PALM2AKAP2: variants seen among roughly 807,000 people sequenced by gnomAD.
PALM2AKAP2 encodes the protein PALM2 and AKAP2 fusion.
In PALM2AKAP2, 37 loss-of-function variants were observed where a neutral mutation model predicts 71.5. The ratio of observed to expected loss-of-function variants is 0.52; its 90% CI spans 0.40 to 0.68. The LOEUF is 0.68. Among genes scored for constraint, PALM2AKAP2 ranks in the 30% least tolerant of loss-of-function variants. The probability of loss-of-function intolerance (pLI) is 0.00; values close to 1 mark genes in which losing one functional copy is unlikely to be tolerated. For synonymous variants in PALM2AKAP2, 468 were observed against 478.8 expected (o/e 0.98, Z 0.29); for missense variants, 1,224 against 1,191.8 (o/e 1.03, Z -0.40).
chr9:109,922,421 CAAAAAAAAAAAAAAAAAAAAAA>C (rs398011831), intron 3 of PALM2AKAP2, among the ~76,000 whole-genome samples: 1 of 19,224 alleles, frequency 5.2e-5, no homozygotes, highest in Non-Finnish European at 8.9e-5. Flanking sequence ...GACTCTATCT[CAAAAAAAAAAAAAAAAAAAAAA>C]AAAAAAAAAA....
At chr9:109,918,270 A>G (rs1830740986) in intron 3 of PALM2AKAP2, among the ~76,000 whole-genome samples, 1 of 152,172 alleles carries the variant, frequency 6.6e-6, no homozygotes, top group Admixed American at 6.5e-5. Context: ...AGCATGATCG[A>G]TGCACTTCCC....
intron 6 of PALM2AKAP2, among the ~76,000 whole-genome samples, chr9:110,005,748 G>C (rs753723185): frequency 6.6e-6 from 1 of 152,194 alleles, no homozygotes; most frequent in Non-Finnish European, 1.5e-5. Context: ...CCCCAGCCTC[G>C]CTGCCGCCTT....
intron 3 of PALM2AKAP2, 120 bp downstream of exon 10, chr9:110,162,252 A>G: frequency 2.0e-6 from 3 of 1,469,636 alleles, no homozygotes; most frequent in South Asian, 1.2e-5. Context: ...TTGTCTCCAT[A>G]TGTATTTTTT....
intron 3 of PALM2AKAP2, among the ~76,000 whole-genome samples, chr9:109,889,996 A>C (rs1830049463): frequency 6.6e-6 from 1 of 152,208 alleles, no homozygotes; most frequent in Non-Finnish European, 1.5e-5. Context: ...TTTTCTCTCT[A>C]CAAAAAGCTT....
At chr9:109,881,347 A>G (rs1460951817) in intron 3 of PALM2AKAP2, among the ~76,000 whole-genome samples, 1 of 152,078 alleles carries the variant, frequency 6.6e-6, no homozygotes, top group South Asian at 2.1e-4. Context: ...TTGAGTTCTT[A>G]TATTAGCTTT....
intron 1 of PALM2AKAP2, among the ~76,000 whole-genome samples, chr9:109,657,448 G>A (rs957622454): frequency 1.5e-5 from 2 of 129,634 alleles, no homozygotes; most frequent in Admixed American, 7.9e-5. Context: ...AAGCAATATG[G>A]TATTTGTGTG....
At chr9:109,731,928 C>T (rs1828561868) in intron 1 of PALM2AKAP2, among the ~76,000 whole-genome samples, 1 of 152,094 alleles carries the variant, frequency 6.6e-6, no homozygotes, top group Non-Finnish European at 1.5e-5. Context: ...GATTCTGCTC[C>T]AGCCACAGAG....
intron 1 of PALM2AKAP2, among the ~76,000 whole-genome samples, chr9:109,747,677 C>CT (rs200934926): frequency 5.2e-4 from 78 of 148,720 alleles, no homozygotes; most frequent in East Asian, 2.4e-3. Context: ...TAATTTTTTT[C>CT]TTTTTTTTTT....
chr9:110,146,330 A>G (rs1219922663), intron 2 of PALM2AKAP2, among the ~76,000 whole-genome samples: 1 of 152,200 alleles, frequency 6.6e-6, no homozygotes, highest in East Asian at 1.9e-4. Context: ...ATTCCCTGGT[A>G]CAAGCAGGTT....
intron 3 of PALM2AKAP2, among the ~76,000 whole-genome samples, chr9:109,882,923 A>C (rs1829886408): frequency 6.6e-6 from 1 of 152,040 alleles, no homozygotes; most frequent in African/African-American, 2.4e-5. Context: ...TGTTGGGATT[A>C]CAGGTGTGAA....
rs1052780527 is a variant in PALM2AKAP2, at chr9:109,784,386, A to G, written c.45+3853A>G. ...TTCCCCAAAAAGAAGACATTAGAGT[A>G]AGTCCTGAAAATTGGGTAAAATAAA... On this transcript the variant is annotated intron_variant, in intron 1 of 9. Coordinates refer to the PALM2AKAP2 transcript ENST00000302798. 2.0e-5 allele frequency among the ~76,000 whole-genome samples: 3 copies of G among 152,382 alleles called. No homozygotes were observed. In the Middle Eastern group the frequency reaches 0.01, roughly 518 times the overall value.
At chr9:109,650,271 G>A (rs142080726) in intron 1 of PALM2AKAP2, among the ~76,000 whole-genome samples, 1 of 149,266 alleles carries the variant, frequency 6.7e-6, no homozygotes, top group African/African-American at 2.4e-5. Flanking sequence ...TTGAAAGCCA[G>A]TTAAGATCTG....
At chr9:110,100,319 A>G (rs1834966676) in intron 1 of PALM2AKAP2, among the ~76,000 whole-genome samples, 1 of 152,106 alleles carries the variant, frequency 6.6e-6, no homozygotes, top group South Asian at 2.1e-4. Flanking sequence ...CTGCACTTCT[A>G]GAAGGAAGCT....
At chr9:110,076,039 A>C (rs1277759484) in intron 1 of PALM2AKAP2, among the ~76,000 whole-genome samples, 1 of 152,118 alleles carries the variant, frequency 6.6e-6, no homozygotes, top group African/African-American at 2.4e-5. Flanking sequence ...TTGGTTTTTC[A>C]AAATTTGCCA....
chr9:109,650,474 T>C (rs556156581), intron 1 of PALM2AKAP2, among the ~76,000 whole-genome samples: 2 of 152,306 alleles, frequency 1.3e-5, no homozygotes, highest in Non-Finnish European at 2.9e-5. Flanking sequence ...TGGAGCATAG[T>C]AGCACAATCA....
intron 1 of PALM2AKAP2, among the ~76,000 whole-genome samples, chr9:110,068,318 G>A (rs1834129030): frequency 1.3e-5 from 2 of 149,538 alleles, no homozygotes; most frequent in South Asian, 2.1e-4. Context: ...CCTTTAAGGA[G>A]GCAACTGAAT....
Position 109,654,777 on chromosome 9 carries a change from GTA to G in PALM2AKAP2, c.5+13915_5+13916del, listed in dbSNP as rs1491302605. ...TGTGTGTGTGTGTGTGTGTGTGTGT[GTA>G]TATGTATTAAACTTCATGCTTTTTA... On this transcript the variant is annotated intron_variant, in intron 1 of 6. Transcript: ENST00000374531. 1.8e-4 allele frequency among the ~76,000 whole-genome samples: 27 copies of G among 151,614 alleles called. No individual in the cohort carries two copies. The South Asian group carries it at 5.4e-3, about 30-fold the overall frequency.
intron 1 of PALM2AKAP2, among the ~76,000 whole-genome samples, chr9:109,792,035 A>G (rs1371005202): frequency 6.6e-6 from 1 of 152,088 alleles, no homozygotes; most frequent in Non-Finnish European, 1.5e-5. Flanking sequence ...TACAAAACCA[A>G]TAGTATGTGG....
At chr9:109,950,573 C>T (rs1831613256) in intron 6 of PALM2AKAP2, among the ~76,000 whole-genome samples, 1 of 152,208 alleles carries the variant, frequency 6.6e-6, no homozygotes, top group Non-Finnish European at 1.5e-5. Context: ...TCTTGTGAGA[C>T]TCTCTTCCCA....
Sources: gnomAD v4.1 joint callset for allele counts (sites outside exome capture counted in the v4.1 genomes callset) on GRCh38, gnomAD v4.1.1 for gene constraint, MANE v1.5 for transcripts, NCBI Gene and HGNC (gene_info 2026-07-23, HGNC 2026-07-21) for gene names.